Variants in UPP2 observed in about 807,000 individuals in gnomAD.
UPP2 encodes uridine phosphorylase 2.
Under a neutral mutation model 26.7 loss-of-function variants are expected in UPP2, and 23 were observed. The observed-to-expected ratio is 0.86, with a 90% CI of 0.62 to 1.22. The LOEUF (loss-of-function observed/expected upper bound fraction) is 1.22. Ranked by LOEUF, UPP2 falls within the 50% of genes most tolerant of loss-of-function variation. The pLI is 0.00. For synonymous variants in UPP2, 127 were observed against 141.3 expected (o/e 0.90, Z 0.72); for missense variants, 387 against 396.7 (o/e 0.98, Z 0.21).
At chr2:158,092,839 G>A (rs1335449601) in intron 3 of UPP2, among the ~76,000 whole-genome samples, 1 of 152,170 alleles carries the variant, frequency 6.6e-6, no homozygotes, top group Non-Finnish European at 1.5e-5. Flanking sequence ...TATTAAGTAT[G>A]CTTGTTGAAA....
intron 3 of UPP2, among the ~76,000 whole-genome samples, chr2:158,057,934 T>A (rs1311157188): frequency 6.6e-6 from 1 of 151,950 alleles, no homozygotes; most frequent in Non-Finnish European, 1.5e-5. Context: ...TATAAGCAGA[T>A]AATAAAGGTT....
At chr2:158,051,415 T>C (rs968762160) in intron 3 of UPP2, among the ~76,000 whole-genome samples, 1 of 152,196 alleles carries the variant, frequency 6.6e-6, no homozygotes, top group Non-Finnish European at 1.5e-5. Context: ...GAGGAATATC[T>C]GTTTTTTAGA....
chr2:158,081,806 A>G (rs572885768), intron 3 of UPP2, among the ~76,000 whole-genome samples: 1 of 152,222 alleles, frequency 6.6e-6, no homozygotes, highest in Non-Finnish European at 1.5e-5. Context: ...CCAGAGGCTA[A>G]AAGGGGTAGT....
At chr2:158,093,317 AAAT>A (rs1374099038) in intron 3 of UPP2, among the ~76,000 whole-genome samples, 4 of 148,380 alleles carry the variant, frequency 2.7e-5, no homozygotes, top group African/African-American at 1.0e-4. Flanking sequence ...ATTAGAAAAA[AAAT>A]AAGAAGAAAG....
intron 3 of UPP2, among the ~76,000 whole-genome samples, chr2:158,071,807 A>G (rs1682545557): frequency 6.6e-6 from 1 of 152,120 alleles, no homozygotes; most frequent in Admixed American, 6.5e-5. Flanking sequence ...CTTCAGCCCC[A>G]AATAACTAAA....
intron 2 of UPP2, among the ~76,000 whole-genome samples, chr2:158,108,887 C>CGCGTGT (rs1553469634): frequency 1.5e-5 from 2 of 133,128 alleles, no homozygotes; most frequent in African/African-American, 5.7e-5. Flanking sequence ...GAGGCAAAAG[C>CGCGTGT]GTGTGTGTGT....
At chr2:158,010,714 T>G (rs1459677805) in intron 2 of UPP2, among the ~76,000 whole-genome samples, 1 of 151,974 alleles carries the variant, frequency 6.6e-6, no homozygotes, top group Non-Finnish European at 1.5e-5. Flanking sequence ...AGGTAAAAGG[T>G]AATACAATGA....
chr2:158,039,233 C>A (rs1459137570), intron 3 of UPP2, among the ~76,000 whole-genome samples: 1 of 152,130 alleles, frequency 6.6e-6, no homozygotes, highest in Non-Finnish European at 1.5e-5. Context: ...AAGCAGCAGA[C>A]CCACAGGTGG....
chr2:158,123,714 C>T, intron 5 of UPP2, 35 bp from the exon 6 acceptor site: 2 of 1,602,346 alleles, frequency 1.2e-6, no homozygotes, highest in South Asian at 1.1e-5. Context: ...TGGGGTGGGA[C>T]ATCAAGTCAC....
Position 158,094,252 on chromosome 2 carries a change from T to A in UPP2, c.148-7788T>A, listed in dbSNP as rs539422686. Reference sequence around the variant, plus strand: ...ATGAAATCTTTCCTTTAAAAAAAAATGTGTTAAATATGGCAAAATGTAACA... The same window carrying A: ...ATGAAATCTTTCCTTTAAAAAAAAAAGTGTTAAATATGGCAAAATGTAACA... On this transcript the variant is annotated intron_variant, in intron 3 of 9. Coordinates refer to the UPP2 transcript ENST00000605860. Among the ~76,000 whole-genome samples, 330 of 151,926 alleles carry A rather than the reference T, an allele frequency of 2.2e-3. 1 individual carries two copies. Among genetic ancestry groups the A allele is most frequent in the African/African-American group, 7.7e-3 (319 of 41,456 alleles).
At position 158,023,232 on chromosome 2, in the gene UPP2, G is replaced by T. The variant is rs544648845; in HGVS notation, c.147+7346G>T. Reference sequence around the variant, plus strand: ...GAGGTCATGGGGTTGCTGTCAGTTGGGGGGGGGCATTTGGAAGGCTTTCAG... The same window carrying T: ...GAGGTCATGGGGTTGCTGTCAGTTGTGGGGGGGCATTTGGAAGGCTTTCAG... On this transcript the variant is annotated intron_variant, in intron 3 of 9. Coordinates refer to the UPP2 transcript ENST00000605860. Among the ~76,000 whole-genome samples the T allele has an allele frequency of 3.5e-3, 515 of 147,138 alleles. 14 individuals carry two copies. Among genetic ancestry groups the T allele is most frequent in the African/African-American group, 0.01 (411 of 40,724 alleles).
At chr2:158,065,728 A>G in intron 3 of UPP2, 1 of 667,244 alleles carries the variant, frequency 1.5e-6, no homozygotes, top group Non-Finnish European at 2.8e-6. Flanking sequence ...CTGGAGAAAG[A>G]AGGTACCCAT....
At chr2:158,079,110 C>T (rs1558923698) in intron 3 of UPP2, among the ~76,000 whole-genome samples, 4 of 152,030 alleles carry the variant, frequency 2.6e-5, no homozygotes, top group African/African-American at 9.7e-5. Context: ...GAAGAGGTGC[C>T]TTCTGCCATG....
chr2:158,080,230 A>G (rs1314622042), intron 3 of UPP2, among the ~76,000 whole-genome samples: 1 of 152,130 alleles, frequency 6.6e-6, no homozygotes, highest in African/African-American at 2.4e-5. Flanking sequence ...GATATTTAAT[A>G]TATATTTTCT....
intron 3 of UPP2, among the ~76,000 whole-genome samples, chr2:158,117,464 G>C (rs973405474): frequency 6.6e-6 from 1 of 151,890 alleles, no homozygotes; most frequent in South Asian, 2.1e-4. Flanking sequence ...CAAGTCAATC[G>C]TGCAAAAAGC....
chr2:157,999,932 T>C (rs1452044391), intron 2 of UPP2, among the ~76,000 whole-genome samples: 2 of 152,006 alleles, frequency 1.3e-5, no homozygotes, highest in East Asian at 1.9e-4. Flanking sequence ...CTAGAGGGAT[T>C]AGGATAAAAA....
chr2:158,103,944 C>A (rs778173396), intron 1 of UPP2, among the ~76,000 whole-genome samples: 1 of 152,070 alleles, frequency 6.6e-6, no homozygotes, highest in African/African-American at 2.4e-5. Context: ...ACTAACACCA[C>A]GGAATACTTT....
chr2:158,101,283 G>C (rs996055037), upstream of UPP2, among the ~76,000 whole-genome samples: 1 of 152,170 alleles, frequency 6.6e-6, no homozygotes, highest in Non-Finnish European at 1.5e-5. Context: ...TCTTGGCAGA[G>C]ACTCCGTTTT....
chr2:158,058,536 C>T (rs1185248994), intron 3 of UPP2, among the ~76,000 whole-genome samples: 1 of 151,820 alleles, frequency 6.6e-6, no homozygotes, highest in Admixed American at 6.6e-5. Flanking sequence ...TCTCCAGAAA[C>T]CAACCCCCTG....
Sources: gnomAD v4.1 joint callset for allele counts (sites outside exome capture counted in the v4.1 genomes callset) on GRCh38, gnomAD v4.1.1 for gene constraint, MANE v1.5 for transcripts, NCBI Gene and HGNC (gene_info 2026-07-23, HGNC 2026-07-21) for gene names.